SDK1: variants seen among roughly 807,000 people sequenced by gnomAD.
SDK1 encodes the protein sidekick cell adhesion molecule 1, also known as protein sidekick-1.
In SDK1, 157 loss-of-function variants were observed where a neutral mutation model predicts 245.5. That is an observed-to-expected ratio of 0.64 (90% CI 0.56 to 0.73). The LOEUF (loss-of-function observed/expected upper bound fraction) is 0.73, where lower values mean the gene tolerates loss of function less well. Ranked by LOEUF, SDK1 falls within the 30% of genes least tolerant of loss-of-function variation. SDK1 has a pLI of 0.00. For synonymous variants in SDK1, 1,647 were observed against 1,278.5 expected (o/e 1.29, Z -6.15); for missense variants, 3,583 against 3,002.3 (o/e 1.19, Z -4.52).
chr7:3,309,746 A>G (rs1429740611), intron 1 of SDK1, among the ~76,000 whole-genome samples: 1 of 152,166 alleles, frequency 6.6e-6, no homozygotes, highest in Admixed American at 6.5e-5. Flanking sequence ...CTTTAAAAGG[A>G]AGAGATACAT....
chr7:4,241,520 A>G (rs1786514887), intron 42 of SDK1, among the ~76,000 whole-genome samples: 1 of 152,200 alleles, frequency 6.6e-6, no homozygotes, highest in Non-Finnish European at 1.5e-5. Flanking sequence ...TTCTGAGTCT[A>G]TTTTCATAAA....
Position 4,205,954 on chromosome 7 carries a change from C to A in SDK1, c.5174C>A (p.Pro1725Gln). 2 of 1,562,550 alleles carry A rather than the reference C, an allele frequency of 1.3e-6. No individual in the cohort carries two copies. The highest frequency in any genetic ancestry group is 1.7e-6 in the Non-Finnish European group (2 of 1,152,912). Residue 1725 changes from proline (P) to glutamine (Q), a missense_variant, in exon 36 of 45, where the codon CCA becomes CAA. By Grantham distance (76) the Pro-to-Gln change is moderately conservative. Transcript: ENST00000404826. Reference protein sequence around the residue: ...ASQLEVTWDPPPPESQNGNIQ... With the variant: ...ASQLEVTWDPQPPESQNGNIQ... ...CAGCTGGAGGTCACGTGGGACCCAC[C>A]ACCCCCGGAGAGCCAGAATGGGAAC...
At chr7:3,485,859 T>A (rs928017325) in intron 1 of SDK1, among the ~76,000 whole-genome samples, 9 of 151,980 alleles carry the variant, frequency 5.9e-5, no homozygotes, top group Admixed American at 3.9e-4. Flanking sequence ...CTTAGGTTTT[T>A]AAAAAATCTT....
At chr7:4,219,531 T>C (rs1288003546) in intron 38 of SDK1, among the ~76,000 whole-genome samples, 1 of 152,158 alleles carries the variant, frequency 6.6e-6, no homozygotes, top group Non-Finnish European at 1.5e-5. Flanking sequence ...ATGAGACGTA[T>C]TCACTACCAC....
chr7:3,811,417 CTCTGCAGACCA>C (rs1381362491), intron 4 of SDK1, among the ~76,000 whole-genome samples: 1 of 152,204 alleles, frequency 6.6e-6, no homozygotes, highest in Non-Finnish European at 1.5e-5. Context: ...GAGGTGTCTT[CTCTGCAGACCA>C]CATTAGATTT....
At chr7:3,912,388 A>G (rs1170496712) in intron 5 of SDK1, among the ~76,000 whole-genome samples, 2 of 152,252 alleles carry the variant, frequency 1.3e-5, no homozygotes, top group African/African-American at 2.4e-5. Context: ...GGTGCACAGT[A>G]GGCACTCAGT....
At chr7:4,213,148 T>C (rs560872652) in intron 38 of SDK1, among the ~76,000 whole-genome samples, 16 of 152,100 alleles carry the variant, frequency 1.1e-4, no homozygotes, top group African/African-American at 3.4e-4. Flanking sequence ...GTGCAGTGGC[T>C]CACACCTGTA....
chr7:3,607,993 T>A (rs1781474788), intron 1 of SDK1, among the ~76,000 whole-genome samples: 1 of 152,232 alleles, frequency 6.6e-6, no homozygotes, highest in Non-Finnish European at 1.5e-5. Flanking sequence ...AATAGACCTT[T>A]GTACTTTGTC....
At chr7:3,532,639 A>G (rs962093583) in intron 1 of SDK1, among the ~76,000 whole-genome samples, 3 of 152,198 alleles carry the variant, frequency 2.0e-5, no homozygotes, top group Non-Finnish European at 4.4e-5. Context: ...ATTATTAGGA[A>G]CATAGTTAGT....
intron 13 of SDK1, among the ~76,000 whole-genome samples, chr7:3,977,590 G>A (rs558768815): frequency 6.6e-6 from 1 of 152,346 alleles, no homozygotes; most frequent in South Asian, 2.1e-4. Flanking sequence ...CTTCCCCGGA[G>A]GTCTCCTGAT....
At chr7:3,479,293 G>A (rs1781437670) in intron 1 of SDK1, among the ~76,000 whole-genome samples, 1 of 151,704 alleles carries the variant, frequency 6.6e-6, no homozygotes, top group South Asian at 2.1e-4. Context: ...CTGGTGGTGT[G>A]TGCCTGTAGT....
chr7:3,693,792 AC>A (rs1784498850), intron 4 of SDK1, among the ~76,000 whole-genome samples: 1 of 152,122 alleles, frequency 6.6e-6, no homozygotes, highest in South Asian at 2.1e-4. Context: ...TATAATTTTT[AC>A]CAGCCTAATC....
Position 4,066,435 on chromosome 7 carries a change from C to T in SDK1, c.2912-1403C>T, listed in dbSNP as rs528910288. Among the ~76,000 whole-genome samples, 8 of 152,344 alleles carry T rather than the reference C, an allele frequency of 5.3e-5. No individual in the cohort carries two copies. The South Asian group carries it at 1.7e-3, about 32-fold the overall frequency. On this transcript the variant is annotated intron_variant, in intron 19 of 44. Coordinates refer to ENST00000404826, the MANE Select transcript of SDK1 (RefSeq NM_152744.4). The stretch of plus-strand genomic sequence containing the variant: ...GTGCACTGTCTCTCTTCCCCTCATC[C>T]TTCCCTCCATTTGCTCGTAAGACGC...
chr7:4,017,747 T>C lies in SDK1; in HGVS notation c.2602+395T>C, dbSNP rs567222454. ...AAGAGCACGATGATTATTCACAGTTTTATTTTTAACGACGTAACGTGATTA... is the reference window on the plus strand; with the variant it reads ...AAGAGCACGATGATTATTCACAGTTCTATTTTTAACGACGTAACGTGATTA... On this transcript the variant is annotated intron_variant, in intron 17 of 44. Transcript: ENST00000404826. Among the ~76,000 whole-genome samples the C allele has an allele frequency of 6.6e-5, 10 of 152,366 alleles. 1 individual carries two copies. In the South Asian group the frequency reaches 2.1e-3, roughly 32 times the overall value.
At chr7:3,658,264 C>G (rs1783249806) in intron 4 of SDK1, among the ~76,000 whole-genome samples, 3 of 152,180 alleles carry the variant, frequency 2.0e-5, no homozygotes, top group African/African-American at 7.2e-5. Context: ...GTAATGAGAT[C>G]TGACCAAGCC....
At chr7:3,306,845 C>T (rs751611166) in intron 1 of SDK1, among the ~76,000 whole-genome samples, 2 of 152,054 alleles carry the variant, frequency 1.3e-5, no homozygotes, top group African/African-American at 2.4e-5. Flanking sequence ...TCCCAGAGAT[C>T]AGAGACTGGT....
chr7:3,881,249 C>T (rs1007351967), intron 5 of SDK1, among the ~76,000 whole-genome samples: 6 of 152,068 alleles, frequency 3.9e-5, no homozygotes, highest in Non-Finnish European at 8.8e-5. Context: ...TGATGCTCTC[C>T]CTCCCCTACC....
chr7:4,031,230 C>T (rs1019822482), intron 17 of SDK1, among the ~76,000 whole-genome samples: 1 of 152,122 alleles, frequency 6.6e-6, no homozygotes, highest in Non-Finnish European at 1.5e-5. Context: ...CATATGCATG[C>T]AGTTATCAGA....
chr7:3,585,597 G>A (rs1055137564), intron 1 of SDK1, among the ~76,000 whole-genome samples: 1 of 152,142 alleles, frequency 6.6e-6, no homozygotes, highest in Non-Finnish European at 1.5e-5. Flanking sequence ...GAAGGAAATT[G>A]ATCAGGGTCC....
Sources: gnomAD v4.1 joint callset for allele counts (sites outside exome capture counted in the v4.1 genomes callset) on GRCh38, gnomAD v4.1.1 for gene constraint, MANE v1.5 for transcripts, NCBI Gene and HGNC (gene_info 2026-07-23, HGNC 2026-07-21) for gene names.